The following STARD13 variants were observed in gnomAD, a reference collection of about 807,000 sequenced individuals.
STARD13 encodes StAR related lipid transfer domain containing 13.
Under a neutral mutation model 106.4 loss-of-function variants are expected in STARD13, and 62 were observed. That is an observed-to-expected ratio of 0.58 (90% CI 0.48 to 0.72). The LOEUF (loss-of-function observed/expected upper bound fraction) is 0.72, where lower values mean the gene tolerates loss of function less well. Ranked by LOEUF, STARD13 falls within the 30% of genes least tolerant of loss-of-function variation. The pLI, the probability that STARD13 is intolerant of heterozygous loss-of-function variation, is 0.00. For missense variants in STARD13, 1,387 were observed against 1,424.0 expected (o/e 0.97, Z 0.42); for synonymous variants, 565 against 553.0 (o/e 1.02, Z -0.31).
the STARD13 span, among the ~76,000 whole-genome samples, chr13:33,413,556 G>A: frequency 6.6e-6 from 1 of 152,174 alleles, no homozygotes; most frequent in Non-Finnish European, 1.5e-5. Context: ...AAGCTACAGA[G>A]AGGGAGGCCA....
At chr13:33,628,178 CA>C in the STARD13 span, among the ~76,000 whole-genome samples, 2,116 of 151,560 alleles carry the variant, frequency 0.014, 42 homozygotes, top group African/African-American at 0.049. Context: ...CACACACACA[CA>C]CACACACACA....
chr13:33,219,289 C>T (rs1888210723), intron 1 of STARD13, among the ~76,000 whole-genome samples: 1 of 151,954 alleles, frequency 6.6e-6, no homozygotes, highest in Non-Finnish European at 1.5e-5. Flanking sequence ...TCCTGCTGAT[C>T]CTGAGGGAAC....
At chr13:33,358,909 T>C in the STARD13 span, among the ~76,000 whole-genome samples, 13 of 152,148 alleles carry the variant, frequency 8.5e-5, no homozygotes, top group Admixed American at 2.0e-4. Context: ...GCTGCTCTGG[T>C]GGGGCCTTGG....
the STARD13 span, among the ~76,000 whole-genome samples, chr13:33,540,149 C>T: frequency 1.3e-5 from 2 of 152,182 alleles, no homozygotes; most frequent in Admixed American, 1.3e-4. Flanking sequence ...CTAGTGGATG[C>T]CTGAACCTCA....
intron 4 of STARD13, among the ~76,000 whole-genome samples, chr13:33,139,041 C>T (rs1348007951): frequency 6.6e-6 from 1 of 152,080 alleles, no homozygotes; most frequent in African/African-American, 2.4e-5. Context: ...TGTCAGCCCA[C>T]CAAAATCTAC....
chr13:33,469,535 G>A, the STARD13 span, among the ~76,000 whole-genome samples: 2 of 152,094 alleles, frequency 1.3e-5, no homozygotes, highest in African/African-American at 4.8e-5. Context: ...CCGAACAAAT[G>A]TTTAAGGAAT....
intron 3 of STARD13, among the ~76,000 whole-genome samples, chr13:33,162,545 C>T (rs1053603589): frequency 2.6e-5 from 4 of 152,234 alleles, no homozygotes; most frequent in African/African-American, 9.6e-5. Flanking sequence ...CCTTTAACAG[C>T]ACCCAAGTCA....
Position 33,112,819 on chromosome 13 carries a change from G to C in STARD13, c.2394C>G (p.Asn798Lys). 6.2e-7 allele frequency: 1 copy of C among 1,613,976 alleles called. No individual in the cohort carries two copies. ...TLLCFLNDVV[N>K]LVEENQMTPM... ...GCGTCATCTGATTCTCTTCCACCAA[G>C]TTGACGACGTCGTTCAGGAAACACA... is the stretch of plus-strand genomic sequence containing the variant. Residue 798 changes from asparagine to lysine, a missense_variant, in exon 9 of 14, where the codon AAC becomes AAG. Physicochemically the swap from Asn to Lys is moderately conservative, Grantham distance 94 (BLOSUM62 0). Transcript: ENST00000336934.
At chr13:33,108,956 G>A (rs1475729074) in intron 12 of STARD13, among the ~76,000 whole-genome samples, 1 of 152,198 alleles carries the variant, frequency 6.6e-6, no homozygotes, top group Non-Finnish European at 1.5e-5. Flanking sequence ...CATATATTTA[G>A]GGAAAATTGA....
chr13:33,190,879 C>T (rs528622776), intron 1 of STARD13, among the ~76,000 whole-genome samples: 11 of 152,168 alleles, frequency 7.2e-5, no homozygotes, highest in East Asian at 3.9e-4. Context: ...CCACCGTACC[C>T]GGCCACTACA....
the STARD13 span, among the ~76,000 whole-genome samples, chr13:33,365,381 T>A: frequency 4.6e-5 from 7 of 152,226 alleles, 1 homozygote; most frequent in South Asian, 4.1e-4. Context: ...ATGCTTCTCA[T>A]GTGCATCAAC....
chr13:33,344,245 T>C (rs997036327), downstream of STARD13, among the ~76,000 whole-genome samples: 11 of 152,354 alleles, frequency 7.2e-5, no homozygotes, highest in South Asian at 8.3e-4. Flanking sequence ...ACAACCCTGA[T>C]ATAAGTGATG....
chr13:33,350,434 G>T, exon 1 of STARD13: 2 of 1,523,304 alleles, frequency 1.3e-6, no homozygotes, highest in South Asian at 1.2e-5. Flanking sequence ...TCCTCATAAC[G>T]ACCGGCGGGC....
In STARD13 at chr13:33,130,534, CAA is replaced by C. The variant is rs916356422; in HGVS notation, c.388-247_388-246del. Among the ~76,000 whole-genome samples, 1 of 152,158 alleles carries C rather than the reference CAA, an allele frequency of 6.6e-6. No individual in the cohort carries two copies. ...GCCAAACTTTCTTCCTTCCCATTTT[CAA>C]AGAGGTTTTGAATGCCTCCTTCCTT... On this transcript the variant is annotated intron_variant, in intron 4 of 13. Coordinates refer to ENST00000336934, the MANE Select transcript of STARD13 (RefSeq NM_178006.4). This position sits in a 1 kb window ranked among gnomAD's most constrained non-coding sequence, Gnocchi z 4.1.
chr13:33,299,336 TTTAAA>T (rs1192377216), intron 1 of STARD13, among the ~76,000 whole-genome samples: 1 of 152,204 alleles, frequency 6.6e-6, no homozygotes, highest in Non-Finnish European at 1.5e-5. Context: ...GCAAAATCTA[TTTAAA>T]TAACACAATG....
At chr13:33,239,906 C>T (rs1235218869) in intron 1 of STARD13, among the ~76,000 whole-genome samples, 4 of 152,014 alleles carry the variant, frequency 2.6e-5, no homozygotes, top group Admixed American at 2.0e-4. Context: ...GATGTAGTCC[C>T]ATTTGTCTAT....
chr13:33,438,620 A>C, the STARD13 span, among the ~76,000 whole-genome samples: 1 of 152,202 alleles, frequency 6.6e-6, no homozygotes, highest in African/African-American at 2.4e-5. Flanking sequence ...ACACTCACTA[A>C]AGACATTTTC....
the STARD13 span, among the ~76,000 whole-genome samples, chr13:33,659,461 G>A: frequency 2.6e-5 from 4 of 152,090 alleles, no homozygotes; most frequent in Admixed American, 1.3e-4. Flanking sequence ...TGATCCACCC[G>A]CCTTGGCCTC....
At chr13:33,402,521 C>T in the STARD13 span, among the ~76,000 whole-genome samples, 3 of 152,296 alleles carry the variant, frequency 2.0e-5, no homozygotes, top group East Asian at 3.9e-4. Flanking sequence ...TGGCAAAGGC[C>T]CCACCCTCAA....
Sources: gnomAD v4.1 joint callset for allele counts (sites outside exome capture counted in the v4.1 genomes callset) on GRCh38, gnomAD v4.1.1 for gene constraint, Gnocchi (gnomAD v3.1) non-coding constraint, MANE v1.5 for transcripts, NCBI Gene and HGNC (gene_info 2026-07-23, HGNC 2026-07-21) for gene names.